CLSTN2: variants seen among roughly 807,000 people sequenced by gnomAD.
The protein encoded by CLSTN2 is calsyntenin 2.
A neutral mutation model predicts 101.2 loss-of-function variants in CLSTN2; 48 were observed. The observed-to-expected ratio is 0.47, with a 90% CI of 0.38 to 0.60. The LOEUF is 0.60. Among genes scored for constraint, CLSTN2 ranks in the 20% least tolerant of loss-of-function variants. The pLI is 0.00. For missense variants in CLSTN2, 1,160 were observed against 1,238.2 expected (o/e 0.94, Z 0.95); for synonymous variants, 481 against 463.6 (o/e 1.04, Z -0.48).
intron 1 of CLSTN2, among the ~76,000 whole-genome samples, chr3:140,118,784 A>G (rs2009288694): frequency 6.6e-6 from 1 of 152,168 alleles, no homozygotes; most frequent in Non-Finnish European, 1.5e-5. Context: ...AATATGGATG[A>G]CATGTTCTCT....
chr3:139,979,148 C>T (rs1935872578), intron 1 of CLSTN2, among the ~76,000 whole-genome samples: 1 of 152,100 alleles, frequency 6.6e-6, no homozygotes, highest in African/African-American at 2.4e-5. Context: ...CACACTGGTG[C>T]CTCTGATCTG....
rs184663187 is a variant in CLSTN2 at position 140,273,136 on chromosome 3, C to T, written c.232+97063C>T. Among the ~76,000 whole-genome samples, 412 of 151,978 alleles carry T rather than the reference C, an allele frequency of 2.7e-3. 1 individual carries two copies. Among genetic ancestry groups the T allele is most frequent in the African/African-American group, 9.3e-3 (385 of 41,420 alleles). Reference sequence around the variant, plus strand: ...CCCTAGGAATAAAAAACTTTTATTCCTGTGGGTTGGAAGATATACTCATTT... The same window carrying T: ...CCCTAGGAATAAAAAACTTTTATTCTTGTGGGTTGGAAGATATACTCATTT... On this transcript the variant is annotated intron_variant, in intron 2 of 16. Transcript: ENST00000458420.
At chr3:140,303,451 G>C (rs1034184169) in intron 2 of CLSTN2, among the ~76,000 whole-genome samples, 1 of 152,040 alleles carries the variant, frequency 6.6e-6, no homozygotes, top group African/African-American at 2.4e-5. Flanking sequence ...AGGTCATTTA[G>C]CTTCTCTCAC....
intron 1 of CLSTN2, among the ~76,000 whole-genome samples, chr3:140,046,191 G>A (rs1302027111): frequency 6.6e-6 from 1 of 152,114 alleles, no homozygotes; most frequent in African/African-American, 2.4e-5. Flanking sequence ...ATGAATCTGG[G>A]TGCTCCTGTA....
chr3:140,462,727 G>C (rs537465084), intron 7 of CLSTN2: 1 of 152,100 alleles, frequency 6.6e-6, no homozygotes, highest in African/African-American at 2.4e-5. Flanking sequence ...TTTACCTCCT[G>C]TCATTGTCCA....
chr3:140,389,131 T>G (rs2088084343), intron 2 of CLSTN2, among the ~76,000 whole-genome samples: 1 of 41,338 alleles, frequency 2.4e-5, no homozygotes, highest in Admixed American at 3.5e-4. Context: ...ATAGAGCTCT[T>G]TAATTTTCTT....
intron 2 of CLSTN2, among the ~76,000 whole-genome samples, chr3:140,263,344 T>C (rs747830560): frequency 6.6e-6 from 1 of 152,148 alleles, no homozygotes; most frequent in Non-Finnish European, 1.5e-5. Context: ...TGGGCTGAAG[T>C]AATCAGGGCC....
chr3:139,955,115 T>TATATAC (rs1292217053), intron 1 of CLSTN2, among the ~76,000 whole-genome samples: 2 of 105,750 alleles, frequency 1.9e-5, no homozygotes, highest in African/African-American at 3.0e-5. Flanking sequence ...AATATTGCTA[T>TATATAC]ATATATATAT....
At chr3:140,015,111 C>T (rs959506502) in intron 1 of CLSTN2, among the ~76,000 whole-genome samples, 1 of 152,108 alleles carries the variant, frequency 6.6e-6, no homozygotes, top group African/African-American at 2.4e-5. Context: ...TTGGAGCAGC[C>T]CTGTGGGTCT....
intron 2 of CLSTN2, among the ~76,000 whole-genome samples, chr3:140,341,709 C>T (rs2087495016): frequency 6.6e-6 from 1 of 152,184 alleles, no homozygotes; most frequent in South Asian, 2.1e-4. Flanking sequence ...GGGGGCCCCA[C>T]ACCTCCAGTG....
At chr3:140,007,194 T>G (rs1443388767) in intron 1 of CLSTN2, among the ~76,000 whole-genome samples, 1 of 151,924 alleles carries the variant, frequency 6.6e-6, no homozygotes, top group East Asian at 2.0e-4. Flanking sequence ...CTTGCAGAGA[T>G]GGTTTCACTA....
chr3:139,977,598 C>T (rs562473746), intron 1 of CLSTN2, among the ~76,000 whole-genome samples: 1 of 152,232 alleles, frequency 6.6e-6, no homozygotes, highest in African/African-American at 2.4e-5. Context: ...TCTGTGCCAG[C>T]ACCATTCCAA....
chr3:140,527,922 G>C (rs896638728), intron 8 of CLSTN2, among the ~76,000 whole-genome samples: 2 of 152,152 alleles, frequency 1.3e-5, no homozygotes, highest in African/African-American at 4.8e-5. Context: ...AATAGATGGG[G>C]GAGGGAAAGA....
intron 2 of CLSTN2, among the ~76,000 whole-genome samples, chr3:140,348,745 A>G (rs553972790): frequency 6.6e-6 from 1 of 152,302 alleles, no homozygotes; most frequent in African/African-American, 2.4e-5. Flanking sequence ...CTAATATGTG[A>G]GGCCAGCCCT....
chr3:140,234,148 CA>C lies in CLSTN2; in HGVS notation c.232+58076del, dbSNP rs562946624. Among the ~76,000 whole-genome samples the C allele has an allele frequency of 3.7e-3, 560 of 152,360 alleles. 4 individuals carry two copies. The highest frequency in any genetic ancestry group is 6.8e-3 in the Middle Eastern group (2 of 294). ...TGCAAGGCATAACCCGAGAAAGGGT[CA>C]CGGTCACAAATCCAATTTCCATGGC... On this transcript the variant is annotated intron_variant, in intron 2 of 16. Coordinates refer to ENST00000458420, the MANE Select transcript of CLSTN2 (RefSeq NM_022131.3).
chr3:140,558,693 T>C lies in CLSTN2; in HGVS notation c.1877T>C (p.Met626Thr), dbSNP rs1935850065. 2 of 1,613,958 alleles carry C rather than the reference T, an allele frequency of 1.2e-6. No individual in the cohort carries two copies. The highest frequency in any genetic ancestry group is 1.7e-6 in the Non-Finnish European group (2 of 1,180,014). ...ATCCCTGAGGTAGATGCCTATGTGA[T>C]GGTCCTCCAGGCCATCGAGCCCCGG... is the stretch of plus-strand genomic sequence containing the variant. ...ISIPEVDAYV[M>T]VLQAIEPRIT... is the part of the protein sequence containing the mutation. Residue 626 changes from methionine (M) to threonine (T), a missense_variant, in exon 12 of 17, where the codon ATG (methionine) becomes ACG (threonine). Transcript: ENST00000458420.
At chr3:140,340,134 G>T (rs866556858) in intron 2 of CLSTN2, among the ~76,000 whole-genome samples, 1 of 152,166 alleles carries the variant, frequency 6.6e-6, no homozygotes, top group Non-Finnish European at 1.5e-5. Flanking sequence ...TCTCCTATAG[G>T]CTGCATGTAT....
chr3:140,448,391 G>T, intron 5 of CLSTN2, 128 bp from the exon 6 acceptor site: 4 of 759,250 alleles, frequency 5.3e-6, no homozygotes, highest in Non-Finnish European at 6.4e-6. Context: ...TTCTCAAACT[G>T]TTCCCTAATA....
Position 140,566,677 on chromosome 3 carries a change from T to C in CLSTN2, c.*424T>C. 1 of 209,096 alleles carries C rather than the reference T, an allele frequency of 4.8e-6. No individual in the cohort carries two copies. Among genetic ancestry groups the C allele is most frequent in the Non-Finnish European group, 9.9e-6 (1 of 100,584 alleles). 13.0% of individuals were successfully genotyped at this position (209,096 alleles called of 1,614,324 possible). ...CACAGACCAGTAGGTTCTCCTATGCTGACTCCAGGTTGCTTCATACAAGGA... is the reference window on the plus strand; with the variant it reads ...CACAGACCAGTAGGTTCTCCTATGCCGACTCCAGGTTGCTTCATACAAGGA... On this transcript the variant is annotated 3_prime_UTR_variant, in exon 17 of 17. Coordinates refer to ENST00000458420, the MANE Select transcript of CLSTN2 (RefSeq NM_022131.3).
Sources: allele counts gnomAD v4.1 joint callset (sites outside exome capture counted in the v4.1 genomes callset), GRCh38; gene constraint gnomAD v4.1.1; transcripts MANE v1.5; gene names NCBI Gene and HGNC (gene_info 2026-07-23, HGNC 2026-07-21).